Variants in KCNT1 observed in about 807,000 individuals in gnomAD.
KCNT1 encodes the protein potassium channel subfamily T member 1.
In KCNT1, 78 loss-of-function variants were observed where a neutral mutation model predicts 147.8. That is an observed-to-expected ratio of 0.53 (90% CI 0.44 to 0.64). The LOEUF (loss-of-function observed/expected upper bound fraction) is 0.64, where lower values mean the gene tolerates loss of function less well. Ranked by LOEUF, KCNT1 falls within the 30% of genes least tolerant of loss-of-function variation. KCNT1 has a pLI of 0.00. For synonymous variants in KCNT1, 867 were observed against 748.8 expected (o/e 1.16, Z -2.58); for missense variants, 1,419 against 1,750.3 (o/e 0.81, Z 3.38).
At chr9:135,747,995 G>A (rs1419903952) in intron 2 of KCNT1, among the ~76,000 whole-genome samples, 3 of 152,188 alleles carry the variant, frequency 2.0e-5, no homozygotes, top group Non-Finnish European at 4.4e-5. Flanking sequence ...AGGCTAGGGT[G>A]CAGTGGCGTG....
chr9:135,727,324 CCT>C lies in KCNT1; in HGVS notation c.254+12610_254+12611del, dbSNP rs369181762. On this transcript the variant is annotated intron_variant, in intron 2 of 30. Transcript: ENST00000371757. ...CTCTCTTTCCCATTCTCTCTCTCCC[CCT>C]CTCTCCCTCCCTCTTTCTCCCTCTT... Among the ~76,000 whole-genome samples the C allele has an allele frequency of 3.5e-3, 399 of 114,030 alleles. 10 individuals are homozygous for C. The highest frequency in any genetic ancestry group is 0.035 in the East Asian group (117 of 3,374). 74.8% of individuals were successfully genotyped at this position (114,030 alleles called of 152,430 possible).
chr9:135,746,921 G>A (rs1480405297), intron 2 of KCNT1, among the ~76,000 whole-genome samples: 1 of 152,158 alleles, frequency 6.6e-6, no homozygotes, highest in Admixed American at 6.5e-5. Flanking sequence ...GGGAGGGGAG[G>A]GTACAGGAGC....
chr9:135,753,820 C>A, intron 4 of KCNT1, 117 bp from the exon 5 acceptor site: 1 of 1,020,462 alleles, frequency 9.8e-7, no homozygotes, highest in Non-Finnish European at 1.5e-6. Flanking sequence ...GGGGTTAGCC[C>A]CGGGTGGGTG....
chr9:135,732,308 C>G (rs11103151), intron 2 of KCNT1, among the ~76,000 whole-genome samples: 19,619 of 151,934 alleles, frequency 0.13, 1,448 homozygotes, highest in South Asian at 0.17. Context: ...CATGAGCCAC[C>G]GCAACTGGCT....
intron 1 of KCNT1, among the ~76,000 whole-genome samples, chr9:135,702,714 A>AGCCCCT (rs1835081671): frequency 6.6e-6 from 1 of 151,614 alleles, no homozygotes; most frequent in Non-Finnish European, 1.5e-5. Flanking sequence ...CATCTCCCCC[A>AGCCCCT]GCCCCTGCCC....
At chr9:135,710,805 G>T (rs934610845) in intron 1 of KCNT1, among the ~76,000 whole-genome samples, 1 of 152,160 alleles carries the variant, frequency 6.6e-6, no homozygotes, top group African/African-American at 2.4e-5. Context: ...ATAGTGATGC[G>T]CTCTTGATTG....
At position 135,702,344 on chromosome 9, in the gene KCNT1, T is replaced by G; in HGVS notation, c.86T>G (p.Phe29Cys). 3.1e-6 allele frequency: 5 copies of G among 1,611,456 alleles called. No individual in the cohort carries two copies. The highest frequency in any genetic ancestry group is 4.2e-6 in the Non-Finnish European group (5 of 1,179,222). The change falls in exon 1 of 31, where the codon TTT becomes TGT. Residue 29 changes from phenylalanine (F) to cysteine (C), a missense_variant. Transcript: ENST00000371757. ...GGGYTNRTFE[F>C]DDGQCAPRRP... ...GGCTACACCAACCGGACCTTCGAGT[T>G]TGACGACGGCCAATGCGCCCCCAGG...
intron 24 of KCNT1, among the ~76,000 whole-genome samples, chr9:135,782,216 G>A (rs1467638687): frequency 1.3e-5 from 2 of 152,212 alleles, no homozygotes; most frequent in African/African-American, 2.4e-5. Flanking sequence ...AAAAAACCAA[G>A]CAAAAAAATG....
At chr9:135,768,249 GGGGGGGGGCACTGGGATACCGGT>G in intron 13 of KCNT1, among the ~76,000 whole-genome samples, 1 of 40,058 alleles carries the variant, frequency 2.5e-5, no homozygotes, top group African/African-American at 6.3e-5. Flanking sequence ...GCGGGGGGGG[GGGGGGGGGCACTGGGATACCGGT>G]GGGGGGGGCA....
rs145001927 is a variant in KCNT1 at position 135,704,187 on chromosome 9, G to A, written c.110+1819G>A. The stretch of plus-strand genomic sequence containing the variant: ...ATGGGGAGGAGGGTGCCAGGCAACA[G>A]CGTGGTCAGAACCCAGGCCCTGGAG... On this transcript the variant is annotated intron_variant, in intron 1 of 30. Transcript: ENST00000371757. Among the ~76,000 whole-genome samples the A allele has an allele frequency of 5.2e-3, 794 of 152,344 alleles. 5 individuals carry two copies. Among genetic ancestry groups the A allele is most frequent in the Middle Eastern group, 0.034 (10 of 294 alleles).
rs750627411 is a variant in KCNT1 at position 135,786,338 on chromosome 9, C to A, written c.3319C>A (p.Arg1107Ser). The change falls in exon 29 of 31, where the codon CGC becomes AGC. Residue 1107 changes from arginine (R) to serine (S), a missense_variant. Arg to Ser is a moderately radical substitution (Grantham distance 110, BLOSUM62 -1). Transcript: ENST00000371757. The part of the protein sequence containing the change: ...GDPAEHPLLR[R>S]KSLQWARRLS... ...CCCCGCAGAGCACCCACTGCTACGG[C>A]GCAAGAGCCTGCAGTGGGCCCGGAG... The A allele has an allele frequency of 6.3e-7, 1 of 1,593,130 alleles. No individual in the cohort carries two copies. Among genetic ancestry groups the A allele is most frequent in the Admixed American group, 1.8e-5 (1 of 56,568 alleles).
intron 29 of KCNT1, among the ~76,000 whole-genome samples, chr9:135,787,053 C>T (rs1834111902): frequency 6.6e-6 from 1 of 152,198 alleles, no homozygotes; most frequent in African/African-American, 2.4e-5. Context: ...GACCCCCTCC[C>T]AGAGCCCCCA....
At chr9:135,769,606 C>T (rs1009608884) in intron 15 of KCNT1, among the ~76,000 whole-genome samples, 7 of 152,126 alleles carry the variant, frequency 4.6e-5, no homozygotes, top group East Asian at 1.9e-4. Flanking sequence ...GCCGGGTGCC[C>T]GGGGAACGGG....
rs777479133 is a variant in KCNT1, at chr9:135,775,387, C to T, written c.2321C>T (p.Ala774Val). The T allele has an allele frequency of 2.5e-5, 41 of 1,611,112 alleles. No homozygotes were observed. In the Admixed American group the frequency reaches 4.5e-4, roughly 18 times the overall value. Residue 774 changes from alanine to valine, a missense_variant, in exon 20 of 31, where the codon GCC (alanine) becomes GTC (valine). This residue lies in a region of KCNT1 where 247 missense variants were observed against 397.1 expected (regional missense o/e 0.62). Transcript: ENST00000371757. ...PTLCHLLPVK[A>V]PFCCLRLDKG... ...CTGTGCCACCTCCTGCCTGTGAAAG[C>T]CCCCTTCTGCTGCCTGCGGCTGGAC...
At chr9:135,739,402 C>G (rs1830468350) in intron 2 of KCNT1, among the ~76,000 whole-genome samples, 1 of 151,878 alleles carries the variant, frequency 6.6e-6, no homozygotes, top group Non-Finnish European at 1.5e-5. Flanking sequence ...AAGCCCCTCG[C>G]CCTGATGTTC....
chr9:135,768,761 C>T, intron 14 of KCNT1, 68 bp from the exon 15 acceptor site: 1 of 1,545,460 alleles, frequency 6.5e-7, no homozygotes, highest in Non-Finnish European at 8.8e-7. Context: ...CTGCCCCAGG[C>T]TGCCGGTGCC....
intron 19 of KCNT1, among the ~76,000 whole-genome samples, chr9:135,774,470 G>T (rs12685711): frequency 6.0e-5 from 9 of 149,726 alleles, no homozygotes; most frequent in Non-Finnish European, 1.2e-4. Flanking sequence ...GTGTGTCCGT[G>T]TGTGGTACGT....
chr9:135,779,530 G>T, intron 24 of KCNT1, 60 bp downstream of exon 24: 1 of 1,272,138 alleles, frequency 7.9e-7, no homozygotes, highest in African/African-American at 1.5e-5. Flanking sequence ...GTGGGAGAAA[G>T]GGGCTCAGGG....
intron 14 of KCNT1, 65 bp downstream of exon 14, chr9:135,768,738 TG>T: frequency 6.5e-7 from 1 of 1,535,528 alleles, no homozygotes; most frequent in Non-Finnish European, 8.8e-7. Flanking sequence ...CGGGGGTCCC[TG>T]AGGGAAGAGA....
Sources: allele counts gnomAD v4.1 joint callset (sites outside exome capture counted in the v4.1 genomes callset), GRCh38; gene constraint gnomAD v4.1.1; regional missense constraint gnomAD v4.1.1; transcripts MANE v1.5; gene names NCBI Gene and HGNC (gene_info 2026-07-23, HGNC 2026-07-21).